RALGPS2: variants seen among roughly 807,000 people sequenced by gnomAD.
The protein encoded by RALGPS2 is ras-specific guanine nucleotide-releasing factor RalGPS2.
In RALGPS2, 43 loss-of-function variants were observed where a neutral mutation model predicts 86.8. The observed-to-expected ratio is 0.50, with a 90% CI of 0.39 to 0.64. The LOEUF (loss-of-function observed/expected upper bound fraction) is 0.64, where lower values mean the gene tolerates loss of function less well. Among genes scored for constraint, RALGPS2 ranks in the 30% least tolerant of loss-of-function variants. RALGPS2 has a pLI of 0.00. For synonymous variants in RALGPS2, 243 were observed against 231.3 expected, an observed-to-expected ratio of 1.05 and a Z score of -0.46; for missense variants, 536 against 694.6, an observed-to-expected ratio of 0.77 and a Z score of 2.57.
rs1487472390 is a variant in RALGPS2, at chr1:178,810,964, AAATTAGTTTT to A, written c.298-345_298-336del. Among the ~76,000 whole-genome samples the A allele has an allele frequency of 7.2e-5, 11 of 152,186 alleles. No individual in the cohort carries two copies. The South Asian group carries it at 2.1e-3, about 29-fold the overall frequency. On this transcript the variant is annotated intron_variant, in intron 5 of 19. Coordinates refer to ENST00000367635, the MANE Select transcript of RALGPS2 (RefSeq NM_152663.5). ...TTATATATCTAATCTGCCTTCTAAT[AAATTAGTTTT>A]AATTATTTTTTAAATCAAGATGGTT...
At chr1:178,733,829 C>G (rs1338922165) in intron 1 of RALGPS2, among the ~76,000 whole-genome samples, 1 of 152,112 alleles carries the variant, frequency 6.6e-6, no homozygotes, top group Admixed American at 6.5e-5. Context: ...ACGTATGACA[C>G]AAAGTGACAC....
intron 8 of RALGPS2, among the ~76,000 whole-genome samples, chr1:178,834,173 C>A (rs888365935): frequency 1.3e-5 from 2 of 151,882 alleles, no homozygotes; most frequent in Non-Finnish European, 2.9e-5. Context: ...GAAAAGAAGA[C>A]CCAAATAAGT....
chr1:178,798,302 AC>A (rs2102163540), intron 4 of RALGPS2, among the ~76,000 whole-genome samples: 1 of 152,332 alleles, frequency 6.6e-6, no homozygotes, highest in East Asian at 1.9e-4. Context: ...CGTTGCTATT[AC>A]AGTGAGCTCA....
At chr1:178,877,666 T>G in intron 9 of RALGPS2, 31 bp downstream of exon 9, 13 of 1,608,936 alleles carry the variant, frequency 8.1e-6, no homozygotes, top group Non-Finnish European at 1.1e-5. Flanking sequence ...GCCAAGCCAT[T>G]AAGATTGCTG....
intron 4 of RALGPS2, among the ~76,000 whole-genome samples, chr1:178,799,994 C>CA (rs1430421097): frequency 3.3e-5 from 5 of 151,696 alleles, no homozygotes; most frequent in South Asian, 2.1e-4. Flanking sequence ...GTGGATATGG[C>CA]AAAAAAAGTT....
At chr1:178,844,849 A>G (rs1194540880) in intron 8 of RALGPS2, among the ~76,000 whole-genome samples, 4 of 152,140 alleles carry the variant, frequency 2.6e-5, no homozygotes, top group South Asian at 4.1e-4. Flanking sequence ...CCTCATTTCT[A>G]CTTTATGTAC....
At chr1:178,880,807 A>G (rs1659212096) in intron 10 of RALGPS2, among the ~76,000 whole-genome samples, 1 of 152,198 alleles carries the variant, frequency 6.6e-6, no homozygotes, top group African/African-American at 2.4e-5. Flanking sequence ...ATTTTTTGTG[A>G]CTACTGTAAA....
intron 8 of RALGPS2, among the ~76,000 whole-genome samples, chr1:178,844,200 A>C (rs1656754659): frequency 6.6e-6 from 1 of 152,176 alleles, no homozygotes; most frequent in South Asian, 2.1e-4. Flanking sequence ...TGCTTTATTC[A>C]TTATGTCTGC....
intron 1 of RALGPS2, among the ~76,000 whole-genome samples, chr1:178,740,292 C>T (rs1432738392): frequency 7.2e-5 from 11 of 152,138 alleles, no homozygotes; most frequent in Non-Finnish European, 1.6e-4. Flanking sequence ...AGGAAATCTG[C>T]TTTTTCTACA....
chr1:178,871,508 T>C (rs1405256264), intron 8 of RALGPS2, among the ~76,000 whole-genome samples: 1 of 108,068 alleles, frequency 9.3e-6, no homozygotes, highest in Non-Finnish European at 1.8e-5. Context: ...CCTAGAAGAA[T>C]TTGTAAACAT....
At chr1:178,912,057 A>G (rs1048749220) in intron 19 of RALGPS2, among the ~76,000 whole-genome samples, 1 of 152,200 alleles carries the variant, frequency 6.6e-6, no homozygotes, top group Admixed American at 6.5e-5. Flanking sequence ...TGCTTGATAA[A>G]TCTTGCTCCT....
chr1:178,805,350 GC>G (rs1186599085), intron 4 of RALGPS2, among the ~76,000 whole-genome samples: 1 of 151,468 alleles, frequency 6.6e-6, no homozygotes, highest in East Asian at 1.9e-4. Flanking sequence ...TGAAGTCCTT[GC>G]CCATGCCTAT....
chr1:178,768,476 G>A (rs960028098), intron 1 of RALGPS2, among the ~76,000 whole-genome samples: 1 of 152,184 alleles, frequency 6.6e-6, no homozygotes, highest in Non-Finnish European at 1.5e-5. Context: ...ACTTCTGTTG[G>A]CAGGTTTTTA....
intron 8 of RALGPS2, among the ~76,000 whole-genome samples, chr1:178,854,037 A>G (rs1210757594): frequency 6.6e-6 from 1 of 152,026 alleles, no homozygotes; most frequent in African/African-American, 2.4e-5. Context: ...ATCCTAATAC[A>G]TGTAGAAAAT....
intron 17 of RALGPS2, 130 bp from the exon 18 acceptor site, chr1:178,901,976 T>A: frequency 1.5e-6 from 1 of 656,634 alleles, no homozygotes. Context: ...CCAGGCTGGC[T>A]GAGACCAGCA....
intron 1 of RALGPS2, among the ~76,000 whole-genome samples, chr1:178,750,595 C>G (rs1022509639): frequency 7.2e-5 from 11 of 152,306 alleles, no homozygotes; most frequent in African/African-American, 2.2e-4. Context: ...TTTTTTCTCT[C>G]TCACAGTCTG....
At chr1:178,795,128 C>T (rs774847845) in intron 4 of RALGPS2, among the ~76,000 whole-genome samples, 5 of 150,844 alleles carry the variant, frequency 3.3e-5, no homozygotes, top group African/African-American at 1.2e-4. Context: ...TGCAGTGAGC[C>T]GAGATTGCGC....
intron 19 of RALGPS2, 32 bp from the exon 20 acceptor site, chr1:178,916,298 T>A: frequency 6.5e-7 from 1 of 1,547,452 alleles, no homozygotes; most frequent in Non-Finnish European, 8.9e-7. Flanking sequence ...AAACAACTTT[T>A]AAACTCAGTT....
intron 1 of RALGPS2, among the ~76,000 whole-genome samples, chr1:178,766,985 A>G (rs998175796): frequency 2.6e-5 from 4 of 152,038 alleles, no homozygotes; most frequent in African/African-American, 9.7e-5. Context: ...TTCTTTTCTC[A>G]TCTTGGTTGA....
Sources: allele counts gnomAD v4.1 joint callset (sites outside exome capture counted in the v4.1 genomes callset), GRCh38; gene constraint gnomAD v4.1.1; transcripts MANE v1.5; gene names NCBI Gene and HGNC (gene_info 2026-07-23, HGNC 2026-07-21).